Variants in RASSF3 observed in about 807,000 individuals in gnomAD.
RASSF3 encodes the protein Ras association domain family member 3.
Under a neutral mutation model 19.9 loss-of-function variants are expected in RASSF3, and 19 were observed. That is an observed-to-expected ratio of 0.96 (90% CI 0.67 to 1.40). The LOEUF (loss-of-function observed/expected upper bound fraction) is 1.40. RASSF3 is among the 40% of genes most tolerant of loss of function. RASSF3 has a pLI of 0.00. For synonymous variants in RASSF3, 110 were observed against 104.2 expected (o/e 1.06, Z -0.34); for missense variants, 306 against 289.8 (o/e 1.06, Z -0.41).
At chr12:64,686,061 T>A (rs566484571) in intron 2 of RASSF3, among the ~76,000 whole-genome samples, 31 of 152,200 alleles carry the variant, frequency 2.0e-4, no homozygotes, top group African/African-American at 7.2e-4. Flanking sequence ...CCCTCCCTGG[T>A]AGAACTCCTC....
At chr12:64,551,638 A>T (rs1869165900) in intron 2 of RASSF3, among the ~76,000 whole-genome samples, 1 of 152,200 alleles carries the variant, frequency 6.6e-6, no homozygotes, top group African/African-American at 2.4e-5. Flanking sequence ...GTGGAGATTT[A>T]ATTAGGCAAT....
chr12:64,571,672 G>A (rs1447802733), intron 2 of RASSF3, among the ~76,000 whole-genome samples: 1 of 152,198 alleles, frequency 6.6e-6, no homozygotes, highest in Non-Finnish European at 1.5e-5. Context: ...GCACCATACA[G>A]TAATTTCCAG....
chr12:64,632,660 C>T (rs1343157301), intron 1 of RASSF3, among the ~76,000 whole-genome samples: 2 of 151,890 alleles, frequency 1.3e-5, no homozygotes, highest in Non-Finnish European at 2.9e-5. Flanking sequence ...GAATGGGGAG[C>T]ACGGGAGGAA....
chr12:64,663,548 G>A (rs947550861), intron 1 of RASSF3, among the ~76,000 whole-genome samples: 1 of 150,454 alleles, frequency 6.6e-6, no homozygotes, highest in African/African-American at 2.5e-5. Flanking sequence ...TTGAGATGAA[G>A]TCTTGCTCTG....
At chr12:64,580,317 G>T (rs1317380089) in intron 2 of RASSF3, among the ~76,000 whole-genome samples, 1 of 152,036 alleles carries the variant, frequency 6.6e-6, no homozygotes, top group East Asian at 1.9e-4. Flanking sequence ...ACATGGTAAA[G>T]GTAAAGGTAG....
intron 1 of RASSF3, among the ~76,000 whole-genome samples, chr12:64,647,709 C>T (rs1243581081): frequency 1.3e-5 from 2 of 152,038 alleles, no homozygotes; most frequent in Non-Finnish European, 2.9e-5. Context: ...CCGCGCCCGG[C>T]CCCGGCCTTG....
intron 1 of RASSF3, among the ~76,000 whole-genome samples, chr12:64,676,365 C>G (rs2136211804): frequency 6.6e-6 from 1 of 150,846 alleles, no homozygotes; most frequent in South Asian, 2.1e-4. Context: ...AACAGGGTTT[C>G]TCCATGTTGG....
chr12:64,553,946 C>T (rs1031565370), intron 2 of RASSF3, among the ~76,000 whole-genome samples: 6 of 142,826 alleles, frequency 4.2e-5, no homozygotes, highest in Admixed American at 1.4e-4. Flanking sequence ...TACTGCATTC[C>T]AGCCTGGGTG....
chr12:64,625,437 A>G (rs1280312727), intron 1 of RASSF3, among the ~76,000 whole-genome samples: 1 of 149,790 alleles, frequency 6.7e-6, no homozygotes, highest in Non-Finnish European at 1.5e-5. Flanking sequence ...AAGTTAACAC[A>G]TTGTACACTT....
intron 1 of RASSF3, among the ~76,000 whole-genome samples, chr12:64,510,660 T>C (rs73315522): frequency 0.046 from 6,968 of 152,200 alleles, 526 homozygotes; most frequent in African/African-American, 0.16. Context: ...GACAATAAGT[T>C]ACATCAAGGC....
intron 2 of RASSF3, among the ~76,000 whole-genome samples, chr12:64,587,203 C>T (rs1173012490): frequency 6.6e-6 from 1 of 151,568 alleles, no homozygotes; most frequent in African/African-American, 2.4e-5. Context: ...TACAGGCATG[C>T]ACCACCATGC....
chr12:64,521,100 G>A lies in RASSF3; in HGVS notation c.169+13771G>A, dbSNP rs774675202. 2.6e-4 allele frequency among the ~76,000 whole-genome samples: 40 copies of A among 152,242 alleles called. 1 individual carries two copies. The highest frequency in any genetic ancestry group is 6.2e-4 in the South Asian group (3 of 4,818). On this transcript the variant is annotated intron_variant, in intron 1 of 5. Transcript: ENST00000637125. ...CAAGCTCCCTGTTGTGGTCTGAAAGGGTGCAGAGACTTGTGACCCCACCTC... is the reference window on the plus strand; with the variant it reads ...CAAGCTCCCTGTTGTGGTCTGAAAGAGTGCAGAGACTTGTGACCCCACCTC...
At chr12:64,688,133 C>A in intron 2 of RASSF3, 83 bp from the exon 3 acceptor site, 1 of 916,424 alleles carries the variant, frequency 1.1e-6, no homozygotes, top group Non-Finnish European at 1.8e-6. Context: ...GAGTGTTTCA[C>A]CTTCCCGTTT....
At chr12:64,692,768 G>T (rs1168033675) in intron 4 of RASSF3, among the ~76,000 whole-genome samples, 1 of 152,060 alleles carries the variant, frequency 6.6e-6, no homozygotes, top group Non-Finnish European at 1.5e-5. Flanking sequence ...TTAGAGATAG[G>T]GTCTCACTAC....
At chr12:64,552,982 G>A (rs1476012858) in intron 2 of RASSF3, among the ~76,000 whole-genome samples, 7 of 152,060 alleles carry the variant, frequency 4.6e-5, no homozygotes, top group African/African-American at 1.2e-4. Context: ...AGGCCAAGGC[G>A]GGTGGATCAC....
chr12:64,557,637 C>G (rs1869276418), intron 2 of RASSF3, among the ~76,000 whole-genome samples: 1 of 152,146 alleles, frequency 6.6e-6, no homozygotes, highest in African/African-American at 2.4e-5. Context: ...GCTCCTGCTT[C>G]CATCCCTTGG....
At chr12:64,539,847 C>T (rs11175436) in intron 1 of RASSF3, among the ~76,000 whole-genome samples, 50,470 of 152,024 alleles carry the variant, frequency 0.33, 10,347 homozygotes, top group East Asian at 0.66. Flanking sequence ...CACAATATTC[C>T]ATCATACAGA....
At chr12:64,514,122 C>T (rs534938332) in intron 1 of RASSF3, among the ~76,000 whole-genome samples, 21 of 148,562 alleles carry the variant, frequency 1.4e-4, no homozygotes, top group East Asian at 4.0e-4. Context: ...CTCCTGACCT[C>T]GTGATCCACC....
chr12:64,512,055 G>A (rs1868331643), intron 1 of RASSF3, among the ~76,000 whole-genome samples: 1 of 152,096 alleles, frequency 6.6e-6, no homozygotes, highest in African/African-American at 2.4e-5. Context: ...GAAAGGAGGG[G>A]GGCTGCTTAT....
Sources: allele counts gnomAD v4.1 joint callset (sites outside exome capture counted in the v4.1 genomes callset), GRCh38; gene constraint gnomAD v4.1.1; transcripts MANE v1.5; gene names NCBI Gene and HGNC (gene_info 2026-07-23, HGNC 2026-07-21).